Variants in FOCAD observed in about 807,000 individuals in gnomAD.
FOCAD encodes the protein KIAA1797.
Under a neutral mutation model 225.6 loss-of-function variants are expected in FOCAD, and 198 were observed. The observed-to-expected ratio is 0.88, with a 90% CI of 0.78 to 0.99. The LOEUF is 0.99. Ranked by LOEUF, FOCAD falls within the 50% of genes least tolerant of loss-of-function variation. The pLI, the probability that FOCAD is intolerant of heterozygous loss-of-function variation, is 0.00. For synonymous variants in FOCAD, 897 were observed against 755.0 expected, an observed-to-expected ratio of 1.19 and a Z score of -3.08; for missense variants, 2,713 against 2,123.6, an observed-to-expected ratio of 1.28 and a Z score of -5.46.
At chr9:20,985,744 A>T (rs1841095502) in intron 39 of FOCAD, among the ~76,000 whole-genome samples, 1 of 152,188 alleles carries the variant, frequency 6.6e-6, no homozygotes, top group South Asian at 2.1e-4. Context: ...CCAATGTTTA[A>T]TGGAACTAAT....
intron 35 of FOCAD, among the ~76,000 whole-genome samples, chr9:20,963,723 G>A (rs1838987070): frequency 6.6e-6 from 1 of 152,152 alleles, no homozygotes; most frequent in Admixed American, 6.5e-5. Flanking sequence ...TAATTTTTGT[G>A]TTTTCTTTTT....
intron 37 of FOCAD, 41 bp from the exon 38 acceptor site, chr9:20,981,385 A>G: frequency 6.2e-7 from 1 of 1,601,832 alleles, no homozygotes; most frequent in Non-Finnish European, 8.5e-7. Flanking sequence ...GCAAACCCAG[A>G]CTTGCCTATT....
At chr9:20,822,749 G>A (rs1485586385) in intron 14 of FOCAD, among the ~76,000 whole-genome samples, 1 of 151,954 alleles carries the variant, frequency 6.6e-6, no homozygotes, top group Non-Finnish European at 1.5e-5. Context: ...TAGAGTGAAT[G>A]AAATTTGTTA....
At chr9:20,916,871 C>T in intron 23 of FOCAD, 22 bp from the exon 24 acceptor site, 1 of 1,592,834 alleles carries the variant, frequency 6.3e-7, no homozygotes. Context: ...AAACTCTCGT[C>T]TATTTTCCAT....
At chr9:20,950,306 T>C (rs1265703071) in intron 33 of FOCAD, among the ~76,000 whole-genome samples, 1 of 152,170 alleles carries the variant, frequency 6.6e-6, no homozygotes, top group Non-Finnish European at 1.5e-5. Flanking sequence ...TTAGTGTATA[T>C]AGAACTTTAT....
Position 20,885,248 on chromosome 9 carries a change from C to T in FOCAD, c.2625+18C>T. 1 of 1,442,632 alleles carries T rather than the reference C, an allele frequency of 6.9e-7. No individual in the cohort carries two copies. Among genetic ancestry groups the T allele is most frequent in the Non-Finnish European group, 9.1e-7 (1 of 1,093,854 alleles). The allele number at this position is 1,442,632 out of a possible 1,614,324, so 89.4% of individuals were successfully genotyped here. A position where few individuals can be genotyped will look rare whatever the true frequency, so the allele number is the denominator to read the frequency against. On this transcript the variant is annotated intron_variant, in intron 21 of 43. Transcript: ENST00000338382. ...TACATGAGGTAGGTTCCCGTGTCCT[C>T]TTCTTTATGTTTTAGTGTTTTCTCC...
intron 24 of FOCAD, among the ~76,000 whole-genome samples, chr9:20,920,561 C>G (rs1204505940): frequency 5.8e-5 from 4 of 68,746 alleles, no homozygotes; most frequent in Non-Finnish European, 1.1e-4. Context: ...TTGGAACCAA[C>G]CCAAATGTCC....
chr9:20,685,196 A>ATTTTTTTTTTTTTTTTTTTTTT (rs397959541), intron 1 of FOCAD, among the ~76,000 whole-genome samples: 10 of 143,060 alleles, frequency 7.0e-5, no homozygotes, highest in African/African-American at 1.8e-4. Context: ...TGAGTTGGAA[A>ATTTTTTTTTTTTTTTTTTTTTT]TTTTTTTTTT....
rs986630285 is a variant in FOCAD, at chr9:20,770,246, T to G, written c.906+8T>G. ...GTTGAACTTCTGAAGGAGGTAAGGA[T>G]AGTAGTATATTATACTGTTCATGCA... On this transcript the variant is annotated splice_region_variant and intron_variant, in intron 8 of 43. Coordinates refer to ENST00000338382, the MANE Select transcript of FOCAD (RefSeq NM_001375567.1). 6.2e-7 allele frequency: 1 copy of G among 1,609,054 alleles called. No homozygotes were observed. The highest frequency in any genetic ancestry group is 1.3e-5 in the African/African-American group (1 of 74,806).
chr9:20,959,550 A>ATTTATTTTTGCT (rs1486597969), intron 35 of FOCAD, among the ~76,000 whole-genome samples: 2 of 151,964 alleles, frequency 1.3e-5, no homozygotes, highest in Non-Finnish European at 2.9e-5. Context: ...ATGTAATCCC[A>ATTTATTTTTGCT]TTTATTTTTG....
intron 2 of FOCAD, among the ~76,000 whole-genome samples, chr9:20,661,166 C>G (rs1008366069): frequency 5.3e-5 from 8 of 152,170 alleles, no homozygotes; most frequent in African/African-American, 1.9e-4. Context: ...TTGGTCTTCT[C>G]TGAGAAGTAC....
chr9:20,924,713 A>G (rs535009295), intron 25 of FOCAD, among the ~76,000 whole-genome samples: 2 of 152,306 alleles, frequency 1.3e-5, no homozygotes, highest in African/African-American at 4.8e-5. Flanking sequence ...CCAAAAAGGA[A>G]CAGGAAGTAT....
At chr9:20,757,469 A>T (rs1214815954) in intron 5 of FOCAD, among the ~76,000 whole-genome samples, 1 of 152,136 alleles carries the variant, frequency 6.6e-6, no homozygotes, top group African/African-American at 2.4e-5. Context: ...TAGGTATCTT[A>T]ATAGAAGTAG....
At chr9:20,948,219 C>T (rs1199548086) in intron 30 of FOCAD, 52 bp from the exon 31 acceptor site, 2 of 1,509,488 alleles carry the variant, frequency 1.3e-6, no homozygotes, top group East Asian at 4.6e-5. Flanking sequence ...CATTCTAAAT[C>T]TGTGTCTTTT....
At chr9:20,773,158 T>G (rs767187197) in intron 8 of FOCAD, among the ~76,000 whole-genome samples, 2 of 152,170 alleles carry the variant, frequency 1.3e-5, no homozygotes, top group Non-Finnish European at 2.9e-5. Context: ...TCATACAGTT[T>G]AGTCCTTTTT....
At chr9:20,961,405 CAAG>C (rs1196144004) in intron 35 of FOCAD, among the ~76,000 whole-genome samples, 2 of 152,102 alleles carry the variant, frequency 1.3e-5, no homozygotes, top group African/African-American at 2.4e-5. Flanking sequence ...CTTTGTGGCA[CAAG>C]AAGATGTCCT....
chr9:20,695,039 A>C (rs1486640197), intron 1 of FOCAD, among the ~76,000 whole-genome samples: 3 of 152,204 alleles, frequency 2.0e-5, no homozygotes, highest in Non-Finnish European at 4.4e-5. Context: ...TTGTTGGAGA[A>C]ACCGAGTACT....
intron 4 of FOCAD, among the ~76,000 whole-genome samples, chr9:20,736,977 A>T (rs886515744): frequency 1.3e-5 from 2 of 151,996 alleles, no homozygotes; most frequent in African/African-American, 4.8e-5. Context: ...AAGTGGGTTG[A>T]GGGGGATAGT....
intron 22 of FOCAD, among the ~76,000 whole-genome samples, chr9:20,910,067 G>C (rs1354488350): frequency 6.6e-6 from 1 of 152,056 alleles, no homozygotes; most frequent in Non-Finnish European, 1.5e-5. Context: ...CTTCTGCTTA[G>C]ACGTCTGCTT....
Sources: gnomAD v4.1 joint callset for allele counts (sites outside exome capture counted in the v4.1 genomes callset) on GRCh38, gnomAD v4.1.1 for gene constraint, MANE v1.5 for transcripts, NCBI Gene and HGNC (gene_info 2026-07-23, HGNC 2026-07-21) for gene names.